Variants in SMAD3 observed in about 807,000 individuals in gnomAD.
The protein encoded by SMAD3 is MAD homolog 3.
A neutral mutation model predicts 51.8 loss-of-function variants in SMAD3; 12 were observed. The ratio of observed to expected loss-of-function variants is 0.23; its 90% CI spans 0.15 to 0.38. SMAD3 has a LOEUF of 0.38. Among genes scored for constraint, SMAD3 ranks in the 10% least tolerant of loss-of-function variants. The probability of loss-of-function intolerance (pLI) is 1.00; values close to 1 mark genes in which losing one functional copy is unlikely to be tolerated. For missense variants in SMAD3, 294 were observed against 565.6 expected, an observed-to-expected ratio of 0.52 and a Z score of 4.87; for synonymous variants, 238 against 227.7, an observed-to-expected ratio of 1.05 and a Z score of -0.41.
chr15:67,166,864 C>A lies in SMAD3; in HGVS notation c.607+11C>A. On this transcript the variant is annotated intron_variant, in intron 4 of 8. Transcript: ENST00000327367. ...ACAGCATGGACGCAGGTCAGTCATGCAGGGTCATGCTCTTATTCTTAACTG... is the reference window on the plus strand; with the variant it reads ...ACAGCATGGACGCAGGTCAGTCATGAAGGGTCATGCTCTTATTCTTAACTG... 6.4e-7 allele frequency: 1 copy of A among 1,574,514 alleles called. No homozygotes were observed. Among genetic ancestry groups the A allele is most frequent in the Non-Finnish European group, 8.6e-7 (1 of 1,158,010 alleles).
At chr15:67,093,961 C>G (rs958363312) in intron 1 of SMAD3, among the ~76,000 whole-genome samples, 4 of 152,218 alleles carry the variant, frequency 2.6e-5, no homozygotes, top group African/African-American at 9.6e-5. Flanking sequence ...TCTGAGAAGG[C>G]ACATGGTTTA....
At chr15:67,165,481 C>T in intron 3 of SMAD3, 97 bp downstream of exon 3, 2 of 1,401,198 alleles carry the variant, frequency 1.4e-6, no homozygotes, top group East Asian at 2.3e-5. Flanking sequence ...CCTGGCCGTC[C>T]CCCGCTCACC....
At chr15:67,174,049 A>C (rs1269784526) in intron 5 of SMAD3, among the ~76,000 whole-genome samples, 2 of 152,226 alleles carry the variant, frequency 1.3e-5, no homozygotes, top group South Asian at 2.1e-4. Context: ...AACCATGAAC[A>C]CATGTGGCAG....
intron 1 of SMAD3, among the ~76,000 whole-genome samples, chr15:67,118,881 A>G (rs1961195133): frequency 6.6e-6 from 1 of 152,168 alleles, no homozygotes; most frequent in South Asian, 2.1e-4. Context: ...AGGGACATGC[A>G]TCCCCTGTTG....
chr15:67,126,715 G>T (rs1227965111), intron 1 of SMAD3, among the ~76,000 whole-genome samples: 1 of 152,194 alleles, frequency 6.6e-6, no homozygotes, highest in African/African-American at 2.4e-5. Flanking sequence ...GTAGGCCCTT[G>T]GTAAATGTTT....
chr15:67,144,186 C>G (rs772468826), intron 1 of SMAD3, among the ~76,000 whole-genome samples: 30 of 152,120 alleles, frequency 2.0e-4, no homozygotes, highest in African/African-American at 3.4e-4. Flanking sequence ...TAGGCATCCA[C>G]TGATCTGCTG....
chr15:67,157,103 TTACTA>T (rs1962302835), intron 1 of SMAD3, among the ~76,000 whole-genome samples: 2 of 100,608 alleles, frequency 2.0e-5, no homozygotes, highest in Non-Finnish European at 5.7e-5. Flanking sequence ...ACCTCTGTTG[TTACTA>T]TTACTACTCA....
chr15:67,126,203 G>A (rs775383303), intron 1 of SMAD3, among the ~76,000 whole-genome samples: 2 of 152,004 alleles, frequency 1.3e-5, no homozygotes, highest in African/African-American at 2.4e-5. Flanking sequence ...CCTTCTTTGC[G>A]TCTTGGCACC....
chr15:67,185,294 C>T (rs1033875943), intron 7 of SMAD3, among the ~76,000 whole-genome samples: 11 of 152,274 alleles, frequency 7.2e-5, no homozygotes, highest in East Asian at 1.9e-4. Context: ...ATATAAGGGA[C>T]GGGTGCCAAG....
At chr15:67,133,498 T>C (rs1414637228) in intron 1 of SMAD3, among the ~76,000 whole-genome samples, 2 of 152,088 alleles carry the variant, frequency 1.3e-5, no homozygotes, top group East Asian at 1.9e-4. Context: ...TATGATCCTA[T>C]CGCCAGAAAA....
chr15:67,149,365 G>A (rs753162719), intron 1 of SMAD3, among the ~76,000 whole-genome samples: 2 of 152,168 alleles, frequency 1.3e-5, no homozygotes, highest in Non-Finnish European at 2.9e-5. Context: ...GGACTGGGTG[G>A]GCTGATACCG....
intron 1 of SMAD3, among the ~76,000 whole-genome samples, chr15:67,087,271 C>A (rs1166196763): frequency 6.6e-6 from 1 of 152,154 alleles, no homozygotes; most frequent in Non-Finnish European, 1.5e-5. Flanking sequence ...ACTTCATGTT[C>A]TTGCTCCCAT....
chr15:67,118,434 C>G (rs1231520101), intron 1 of SMAD3, among the ~76,000 whole-genome samples: 1 of 152,132 alleles, frequency 6.6e-6, no homozygotes, highest in Non-Finnish European at 1.5e-5. Flanking sequence ...TTGATATTTT[C>G]CAAAAAGATA....
chr15:67,121,846 C>T (rs1480802539), intron 1 of SMAD3, among the ~76,000 whole-genome samples: 1 of 152,198 alleles, frequency 6.6e-6, no homozygotes, highest in African/African-American at 2.4e-5. Flanking sequence ...ACTTTGTGTC[C>T]CACCACTGTG....
chr15:67,175,884 C>T (rs185846089), intron 5 of SMAD3, among the ~76,000 whole-genome samples: 28 of 152,310 alleles, frequency 1.8e-4, no homozygotes, highest in Admixed American at 5.9e-4. Context: ...CCTCTGGCTC[C>T]GGTCTTCCCC....
At chr15:67,155,986 CAAAAA>C (rs35796267) in intron 1 of SMAD3, among the ~76,000 whole-genome samples, 10 of 141,362 alleles carry the variant, frequency 7.1e-5, no homozygotes, top group Non-Finnish European at 1.4e-4. Context: ...AACTCCATCT[CAAAAA>C]AAAAAAAAAA....
In SMAD3 at chr15:67,166,761, C is replaced by T. The variant is rs370221568; in HGVS notation, c.533-18C>T. 5.7e-6 allele frequency: 9 copies of T among 1,571,132 alleles called. No homozygotes were observed. The highest frequency in any genetic ancestry group is 7.8e-6 in the Non-Finnish European group (9 of 1,155,018). On this transcript the variant is annotated intron_variant, in intron 3 of 8. Coordinates refer to ENST00000327367, the MANE Select transcript of SMAD3 (RefSeq NM_005902.4). ...CTGTGAAGGCCTTTTAACAGACCAC[C>T]TTCCTTCTGATTCCCAGAGACCCCA... is the stretch of plus-strand genomic sequence containing the variant.
intron 1 of SMAD3, among the ~76,000 whole-genome samples, chr15:67,088,271 C>A (rs12907997): frequency 6.6e-6 from 1 of 151,938 alleles, no homozygotes; most frequent in Non-Finnish European, 1.5e-5. Flanking sequence ...ACGGCTTTCC[C>A]GATAGACTTG....
At chr15:67,163,677 G>A (rs1566990851) in intron 1 of SMAD3, among the ~76,000 whole-genome samples, 1 of 152,260 alleles carries the variant, frequency 6.6e-6, no homozygotes, top group East Asian at 1.9e-4. Flanking sequence ...CTCTGCTGCT[G>A]GTCAGGGACC....
Sources: allele counts gnomAD v4.1 joint callset (sites outside exome capture counted in the v4.1 genomes callset), GRCh38; gene constraint gnomAD v4.1.1; transcripts MANE v1.5; gene names NCBI Gene and HGNC (gene_info 2026-07-23, HGNC 2026-07-21).